Variants in PDIA4 observed in about 807,000 individuals in gnomAD.
The protein encoded by PDIA4 is protein disulfide-isomerase A4.
PDIA4 carries 33 observed loss-of-function variants against 62.1 expected under a neutral mutation model. The observed-to-expected ratio is 0.53, with a 90% confidence interval of 0.40 to 0.71. The LOEUF is 0.71. PDIA4 is among the 30% of genes least tolerant of loss of function. The pLI, the probability that PDIA4 is intolerant of heterozygous loss-of-function variation, is 0.00. For synonymous variants in PDIA4, 341 were observed against 324.1 expected (o/e 1.05, Z -0.56); for missense variants, 804 against 813.6 (o/e 0.99, Z 0.14).
chr7:149,028,497 T>TAAGG lies in PDIA4; in HGVS notation c.-90_-89insCCTT. On this transcript the variant is annotated 5_prime_UTR_variant, in exon 1 of 10. Coordinates refer to ENST00000652332, the MANE Select transcript of PDIA4 (RefSeq NM_004911.5). ...GTCTGGCCGACAGCCCGTCGCTCCT[T>TAAGG]AGCGACGCGGGGGAGCCGGAAAAAC... 6 of 906,294 alleles carry TAAGG rather than the reference T, an allele frequency of 6.6e-6. No individual in the cohort carries two copies. Among genetic ancestry groups the TAAGG allele is most frequent in the Non-Finnish European group, 9.4e-6 (6 of 639,486 alleles). The allele number at this position is 906,294 out of a possible 1,614,324, so 56.1% of individuals were successfully genotyped here.
chr7:149,024,706 C>A (rs145082772), intron 1 of PDIA4, among the ~76,000 whole-genome samples: 1,963 of 151,410 alleles, frequency 0.013, 38 homozygotes, highest in African/African-American at 0.045. Context: ...ATCCCAGCCA[C>A]TCGGGAGGCT....
chr7:149,008,013 G>T, intron 7 of PDIA4, 146 bp downstream of exon 7: 2 of 735,422 alleles, frequency 2.7e-6, no homozygotes, highest in Non-Finnish European at 4.3e-6. Flanking sequence ...AAAACCTGTG[G>T]GGTGGGGAGA....
intron 1 of PDIA4, among the ~76,000 whole-genome samples, chr7:149,027,496 G>A (rs748895384): frequency 6.6e-6 from 1 of 152,212 alleles, no homozygotes; most frequent in African/African-American, 2.4e-5. Flanking sequence ...GTGATTAAAA[G>A]TAAGGGCAGA....
At chr7:149,012,390 C>A (rs1823979095) in intron 4 of PDIA4, 30 bp from the exon 5 acceptor site, 1 of 1,581,060 alleles carries the variant, frequency 6.3e-7, no homozygotes, top group South Asian at 1.1e-5. Flanking sequence ...TTGTCAGGGG[C>A]TCATTCTAGT....
intron 9 of PDIA4, 64 bp from the exon 10 acceptor site, chr7:149,004,273 C>T: frequency 1.3e-6 from 2 of 1,496,154 alleles, no homozygotes; most frequent in Non-Finnish European, 1.8e-6. Context: ...TCTGGGGGCT[C>T]TCTCTGGACC....
chr7:149,011,132 T>A (rs1188167627), intron 6 of PDIA4, among the ~76,000 whole-genome samples: 1 of 152,164 alleles, frequency 6.6e-6, no homozygotes, highest in African/African-American at 2.4e-5. Context: ...ATTTGAAAAA[T>A]TATAATCAGT....
intron 9 of PDIA4, 107 bp downstream of exon 9, chr7:149,005,032 AGG>A: frequency 1.2e-6 from 1 of 801,358 alleles, no homozygotes; most frequent in South Asian, 1.5e-5. Context: ...GGCTGACTTA[AGG>A]GGGTGTCGTG....
intron 3 of PDIA4, among the ~76,000 whole-genome samples, chr7:149,017,205 C>CT (rs770541906): frequency 0.018 from 2,560 of 145,788 alleles, 25 homozygotes; most frequent in African/African-American, 0.041. Flanking sequence ...GCAGCCGCAT[C>CT]TTTTTTTTTT....
Position 149,012,259 on chromosome 7 carries a change from G to C in PDIA4, c.716C>G (p.Ala239Gly). Residue 239 changes from alanine to glycine, a missense_variant, in exon 5 of 10, where the codon GCA (alanine) becomes GGA (glycine). Transcript: ENST00000652332. ...PIPLAKVDAT[A>G]ETDLAKRFDV... ...AAACCTCTTGGCCAGGTCTGTTTCTGCGGTGGCGTCGACCTTTGCCAGGGG... is the reference window on the plus strand; with the variant it reads ...AAACCTCTTGGCCAGGTCTGTTTCTCCGGTGGCGTCGACCTTTGCCAGGGG... 6.2e-7 allele frequency: 1 copy of C among 1,614,176 alleles called. No homozygotes were observed. Among genetic ancestry groups the C allele is most frequent in the Non-Finnish European group, 8.5e-7 (1 of 1,180,028 alleles).
At chr7:149,020,793 G>A (rs1314532849) in intron 2 of PDIA4, among the ~76,000 whole-genome samples, 174 bp downstream of exon 2, 3 of 152,170 alleles carry the variant, frequency 2.0e-5, no homozygotes, top group Non-Finnish European at 4.4e-5. Context: ...CTCACTGGCC[G>A]TTCAACGCAC....
intron 1 of PDIA4, among the ~76,000 whole-genome samples, chr7:149,022,282 T>C (rs1038291594): frequency 6.6e-5 from 10 of 152,152 alleles, no homozygotes; most frequent in African/African-American, 2.4e-4. Flanking sequence ...GGATAACAAA[T>C]ATAGAAATTG....
At chr7:149,026,802 A>G (rs1469872162) in intron 1 of PDIA4, among the ~76,000 whole-genome samples, 10 of 79,256 alleles carry the variant, frequency 1.3e-4, no homozygotes, top group African/African-American at 6.6e-4. Context: ...TTATCTAGGA[A>G]AAAAAAAAAA....
chr7:149,015,050 A>G lies in PDIA4; in HGVS notation c.476-8T>C. On this transcript the variant is annotated splice_polypyrimidine_tract_variant and splice_region_variant and intron_variant, in intron 3 of 9. Transcript: ENST00000652332. ...TGACCTTGGCAACAATTTCTGAAAG[A>G]AACCAAGCAAGACTGAGCACACAAG... 3.1e-6 allele frequency: 5 copies of G among 1,614,136 alleles called. No homozygotes were observed. The highest frequency in any genetic ancestry group is 4.2e-6 in the Non-Finnish European group (5 of 1,180,000).
intron 2 of PDIA4, among the ~76,000 whole-genome samples, chr7:149,019,627 A>G (rs1461508251): frequency 6.6e-6 from 1 of 152,188 alleles, no homozygotes; most frequent in Non-Finnish European, 1.5e-5. Flanking sequence ...CCTGGCCAAC[A>G]TAGTGAAACG....
chr7:149,005,494 A>G (rs1379546350), intron 8 of PDIA4, 120 bp from the exon 9 acceptor site: 1 of 675,726 alleles, frequency 1.5e-6, no homozygotes, highest in Non-Finnish European at 2.6e-6. Context: ...CCCTGGATTT[A>G]CCTCAATTGG....
At chr7:149,012,476 G>A (rs953118702) in intron 4 of PDIA4, 116 bp from the exon 5 acceptor site, 18 of 782,558 alleles carry the variant, frequency 2.3e-5, no homozygotes, top group Admixed American at 1.6e-4. Context: ...CACCCAGTAA[G>A]CCTCCGAATG....
chr7:149,014,995 G>C lies in PDIA4; in HGVS notation c.523C>G (p.Pro175Ala), dbSNP rs766808611. ...GTCAACACAAGCGTGACTTCTGGTG[G>C]AGGCGTCCAGTCGGGCTGGGAGACT... ...REVSQPDWTP[P>A]PEVTLVLTKE... is the part of the protein sequence containing the mutation. Residue 175 changes from proline to alanine, a missense_variant, in exon 4 of 10, where the codon CCA becomes GCA. Coordinates refer to ENST00000652332, the MANE Select transcript of PDIA4 (RefSeq NM_004911.5). 47 of 1,614,056 alleles carry C rather than the reference G, an allele frequency of 2.9e-5. No homozygotes were observed. The highest frequency in any genetic ancestry group is 3.9e-5 in the Non-Finnish European group (46 of 1,179,994).
chr7:149,026,336 C>T (rs930265618), intron 1 of PDIA4, among the ~76,000 whole-genome samples: 18 of 151,620 alleles, frequency 1.2e-4, no homozygotes, highest in African/African-American at 4.4e-4. Flanking sequence ...TAGTGAGACC[C>T]CATCTCTACC....
intron 3 of PDIA4, 149 bp from the exon 4 acceptor site, chr7:149,015,191 C>G (rs1022469111): frequency 2.6e-5 from 20 of 757,080 alleles, no homozygotes; most frequent in Non-Finnish European, 3.8e-5. Context: ...CTGGCTGCAT[C>G]TCTGCAGTTT....
Sources: gnomAD v4.1 joint callset for allele counts (sites outside exome capture counted in the v4.1 genomes callset) on GRCh38, gnomAD v4.1.1 for gene constraint, MANE v1.5 for transcripts, NCBI Gene and HGNC (gene_info 2026-07-23, HGNC 2026-07-21) for gene names.